Variants in TBC1D9 observed in about 807,000 individuals in gnomAD.
The protein encoded by TBC1D9 is TBC1 domain family member 9, also known as TBC1 domain family member 9A.
A neutral mutation model predicts 132.0 loss-of-function variants in TBC1D9; 63 were observed. That is an observed-to-expected ratio of 0.48 (90% CI 0.39 to 0.59). The LOEUF (loss-of-function observed/expected upper bound fraction) is 0.59, where lower values mean the gene tolerates loss of function less well. TBC1D9 is among the 20% of genes least tolerant of loss of function. The probability of loss-of-function intolerance (pLI) is 0.00; values close to 1 mark genes in which losing one functional copy is unlikely to be tolerated. For missense variants in TBC1D9, 1,261 were observed against 1,592.7 expected (o/e 0.79, Z 3.54); for synonymous variants, 610 against 609.9 (o/e 1.00, Z 0.00).
At position 140,653,657 on chromosome 4, in the gene TBC1D9, G is replaced by A. The variant is rs185081845; in HGVS notation, c.2337+3440C>T. On this transcript the variant is annotated intron_variant, in intron 13 of 20. Transcript: ENST00000442267. ...GGAAAAAAACAATCAGCAAGAGTTC[G>A]TGGTGTTCTCTTTAAGTTGATCTAC... 9.9e-5 allele frequency among the ~76,000 whole-genome samples: 15 copies of A among 152,256 alleles called. No homozygotes were observed. In the South Asian group the frequency reaches 1.0e-3, roughly 11 times the overall value.
intron 1 of TBC1D9, among the ~76,000 whole-genome samples, chr4:140,742,187 T>C (rs981062986): frequency 6.6e-6 from 1 of 152,078 alleles, no homozygotes; most frequent in African/African-American, 2.4e-5. Context: ...ACAGCAAAAC[T>C]GTGACATGCC....
chr4:140,676,164 T>G (rs573793824), intron 6 of TBC1D9, among the ~76,000 whole-genome samples: 1 of 152,232 alleles, frequency 6.6e-6, no homozygotes, highest in South Asian at 2.1e-4. Context: ...GTAGCCCATT[T>G]CTTCCCTTGA....
At chr4:140,708,744 T>C (rs1197227440) in intron 1 of TBC1D9, among the ~76,000 whole-genome samples, 1 of 152,148 alleles carries the variant, frequency 6.6e-6, no homozygotes, top group East Asian at 1.9e-4. Context: ...CCACATTATG[T>C]ATGAAAGGGG....
chr4:140,627,611 T>C (rs1736728977), intron 17 of TBC1D9, 84 bp from the exon 18 acceptor site: 1 of 910,456 alleles, frequency 1.1e-6, no homozygotes, highest in Non-Finnish European at 1.7e-6. Context: ...TAAAATGACA[T>C]AAGTGGGGAT....
intron 1 of TBC1D9, among the ~76,000 whole-genome samples, chr4:140,744,205 T>C (rs968350052): frequency 2.0e-5 from 3 of 152,194 alleles, no homozygotes; most frequent in African/African-American, 7.2e-5. Flanking sequence ...TTCCTATTAA[T>C]AATATGTATT....
intron 1 of TBC1D9, among the ~76,000 whole-genome samples, chr4:140,735,077 G>C (rs576207193): frequency 6.6e-6 from 1 of 152,126 alleles, no homozygotes; most frequent in Non-Finnish European, 1.5e-5. Context: ...ATTAAATATA[G>C]AATTTCCCTT....
At chr4:140,638,972 T>C in intron 15 of TBC1D9, 114 bp downstream of exon 15, 1 of 733,844 alleles carries the variant, frequency 1.4e-6, no homozygotes, top group Non-Finnish European at 2.2e-6. Flanking sequence ...CTCTCAGCTC[T>C]AGCTTCCTAT....
chr4:140,683,986 G>A (rs1295682050), intron 3 of TBC1D9, among the ~76,000 whole-genome samples: 1 of 152,140 alleles, frequency 6.6e-6, no homozygotes, highest in African/African-American at 2.4e-5. Context: ...GACAGAAATG[G>A]TAAAGTCAAT....
intron 1 of TBC1D9, among the ~76,000 whole-genome samples, chr4:140,751,835 CTCAACT>C (rs1248922963): frequency 1.3e-5 from 2 of 152,090 alleles, no homozygotes; most frequent in African/African-American, 2.4e-5. Context: ...TGGAAAAATG[CTCAACT>C]TCATCAGTCA....
chr4:140,734,411 C>T (rs980824247), intron 1 of TBC1D9, among the ~76,000 whole-genome samples: 5 of 152,072 alleles, frequency 3.3e-5, no homozygotes, highest in Non-Finnish European at 5.9e-5. Context: ...ATTACAGGCA[C>T]GAGCCACCAC....
chr4:140,726,502 C>T (rs923032985), intron 1 of TBC1D9, among the ~76,000 whole-genome samples: 8 of 151,900 alleles, frequency 5.3e-5, no homozygotes, highest in African/African-American at 1.5e-4. Context: ...CTCACAACAC[C>T]CCTACCCCCA....
At chr4:140,717,139 A>G (rs1560894732) in intron 1 of TBC1D9, among the ~76,000 whole-genome samples, 2 of 152,190 alleles carry the variant, frequency 1.3e-5, no homozygotes, top group Non-Finnish European at 2.9e-5. Context: ...CAAAGGTTTC[A>G]CTTTCTTCCT....
chr4:140,629,269 C>T (rs1300843357), intron 16 of TBC1D9, among the ~76,000 whole-genome samples: 1 of 152,166 alleles, frequency 6.6e-6, no homozygotes, highest in Admixed American at 6.5e-5. Context: ...GTCTAATGAC[C>T]CTTAAAACCT....
intron 1 of TBC1D9, among the ~76,000 whole-genome samples, chr4:140,745,866 T>C (rs1404313194): frequency 6.6e-6 from 1 of 152,200 alleles, no homozygotes; most frequent in African/African-American, 2.4e-5. Context: ...TGAAAGCATT[T>C]ATCCTAAAAA....
At chr4:140,642,830 G>A (rs1357945016) in intron 13 of TBC1D9, 10 of 597,608 alleles carry the variant, frequency 1.7e-5, no homozygotes, top group South Asian at 6.6e-5. Flanking sequence ...GCGGGCGGGC[G>A]ACAGGGCTCT....
At chr4:140,637,479 T>C (rs1189761978) in intron 15 of TBC1D9, among the ~76,000 whole-genome samples, 2 of 152,136 alleles carry the variant, frequency 1.3e-5, no homozygotes, top group East Asian at 3.9e-4. Context: ...CACAGTCCTT[T>C]CTCTTACCTG....
chr4:140,657,101 T>C lies in TBC1D9; in HGVS notation c.2333A>G (p.Tyr778Cys), dbSNP rs1737284985. Residue 778 changes from tyrosine (Y) to cysteine (C), a missense_variant, in exon 13 of 21, where the codon TAC (tyrosine) becomes TGC (cysteine). Tyr to Cys is a radical substitution (Grantham distance 194). This residue lies in a region of TBC1D9 where 618 missense variants were observed against 724.4 expected (regional missense o/e 0.85). Transcript: ENST00000442267. ...CAGCCAGGAGACAAGACCTACCTCGTAGGAAGTTCTGATGAGTCTAAAGAT... is the reference window on the plus strand; with the variant it reads ...CAGCCAGGAGACAAGACCTACCTCGCAGGAAGTTCTGATGAGTCTAAAGAT... ...VDIFRLIRTSYEKFGTIRADL... is the reference protein window; with the variant it reads ...VDIFRLIRTSCEKFGTIRADL... 6.2e-7 allele frequency: 1 copy of C among 1,613,436 alleles called. No individual in the cohort carries two copies. Among genetic ancestry groups the C allele is most frequent in the Non-Finnish European group, 8.5e-7 (1 of 1,179,680 alleles).
chr4:140,667,174 C>A (rs919152540), intron 9 of TBC1D9, among the ~76,000 whole-genome samples: 1 of 152,168 alleles, frequency 6.6e-6, no homozygotes, highest in Non-Finnish European at 1.5e-5. Flanking sequence ...GGCCTTCAGG[C>A]GAACCCCATT....
chr4:140,662,702 G>C (rs1029298491), intron 9 of TBC1D9, among the ~76,000 whole-genome samples: 2 of 152,144 alleles, frequency 1.3e-5, no homozygotes, highest in African/African-American at 4.8e-5. Context: ...TTCCTCAGGT[G>C]TTGGGGATGG....
Sources: allele counts gnomAD v4.1 joint callset (sites outside exome capture counted in the v4.1 genomes callset), GRCh38; gene constraint gnomAD v4.1.1; regional missense constraint gnomAD v4.1.1; transcripts MANE v1.5; gene names NCBI Gene and HGNC (gene_info 2026-07-23, HGNC 2026-07-21).